ZNF385D: variants seen among roughly 807,000 people sequenced by gnomAD.
ZNF385D encodes the protein zinc finger protein 659.
ZNF385D carries 15 observed loss-of-function variants against 35.8 expected under a neutral mutation model. That is an observed-to-expected ratio of 0.42 (90% CI 0.28 to 0.64). The LOEUF (loss-of-function observed/expected upper bound fraction) is 0.64. ZNF385D is among the 30% of genes least tolerant of loss of function. The probability of loss-of-function intolerance (pLI) is 0.23; values close to 1 mark genes in which losing one functional copy is unlikely to be tolerated. For synonymous variants in ZNF385D, 212 were observed against 186.8 expected (o/e 1.13, Z -1.10); for missense variants, 474 against 494.6 (o/e 0.96, Z 0.39).
rs972301241 is a variant in ZNF385D, at chr3:22,033,667, AG to A, written c.325+135149del. On this transcript the variant is annotated intron_variant, in intron 3 of 5. Transcript: ENST00000494108. ...CGATGAACTATCACCAAAGAAATTA[AG>A]GTGATTATAACAAGAACAATGTCTA... 1.6e-4 allele frequency among the ~76,000 whole-genome samples: 24 copies of A among 152,102 alleles called. 1 individual carries two copies. Among genetic ancestry groups the A allele is most frequent in the Admixed American group, 1.3e-3 (20 of 15,268 alleles).
intron 3 of ZNF385D, among the ~76,000 whole-genome samples, chr3:22,029,098 G>A (rs1697748424): frequency 6.6e-6 from 1 of 152,112 alleles, no homozygotes; most frequent in South Asian, 2.1e-4. Flanking sequence ...TAGTTCCAGA[G>A]GGAGGAACGC....
intron 3 of ZNF385D, among the ~76,000 whole-genome samples, chr3:21,992,455 C>T (rs918754871): frequency 1.3e-5 from 2 of 152,136 alleles, no homozygotes; most frequent in African/African-American, 2.4e-5. Context: ...ATTATATTAT[C>T]ATCATCCATC....
chr3:21,716,452 T>C (rs1292090524), intron 1 of ZNF385D, among the ~76,000 whole-genome samples: 1 of 152,128 alleles, frequency 6.6e-6, no homozygotes, highest in Non-Finnish European at 1.5e-5. Context: ...TCCTCTCATG[T>C]CCCTCCACCC....
At chr3:21,938,587 G>A (rs897284195) in intron 3 of ZNF385D, among the ~76,000 whole-genome samples, 1 of 152,124 alleles carries the variant, frequency 6.6e-6, no homozygotes, top group African/African-American at 2.4e-5. Context: ...TACATTTTAA[G>A]CATGTCTACA....
At chr3:22,143,008 CAAT>C (rs943459492) in intron 3 of ZNF385D, among the ~76,000 whole-genome samples, 3 of 146,002 alleles carry the variant, frequency 2.1e-5, no homozygotes, top group African/African-American at 5.3e-5. Flanking sequence ...TCATGAATGA[CAAT>C]AATAATAAAA....
intron 1 of ZNF385D, among the ~76,000 whole-genome samples, chr3:21,742,737 C>T (rs191149398): frequency 1.3e-3 from 198 of 152,300 alleles, no homozygotes; most frequent in Middle Eastern, 3.4e-3. Flanking sequence ...TCTATAACTA[C>T]CAGTTTCTTG....
At chr3:22,053,303 A>G (rs1214478850) in intron 3 of ZNF385D, among the ~76,000 whole-genome samples, 3 of 63,376 alleles carry the variant, frequency 4.7e-5, no homozygotes, top group African/African-American at 1.8e-4. Context: ...AGACACAAAA[A>G]ACCCTTCAAA....
chr3:22,026,095 A>T (rs1697531237), intron 3 of ZNF385D, among the ~76,000 whole-genome samples: 1 of 152,196 alleles, frequency 6.6e-6, no homozygotes, highest in Non-Finnish European at 1.5e-5. Context: ...CTAGAGGTTG[A>T]CATTGATAGG....
chr3:22,355,838 T>A (rs1284652182), intron 2 of ZNF385D, among the ~76,000 whole-genome samples: 1 of 151,920 alleles, frequency 6.6e-6, no homozygotes, highest in African/African-American at 2.4e-5. Flanking sequence ...ATATCACAAA[T>A]TTATCAGTAG....
chr3:22,089,144 A>G (rs1339310857), intron 3 of ZNF385D, among the ~76,000 whole-genome samples: 1 of 152,214 alleles, frequency 6.6e-6, no homozygotes, highest in Non-Finnish European at 1.5e-5. Context: ...TATATTTACA[A>G]TGTTCAAAGA....
At chr3:22,338,623 A>C (rs985017505) in intron 2 of ZNF385D, among the ~76,000 whole-genome samples, 11 of 152,108 alleles carry the variant, frequency 7.2e-5, no homozygotes, top group Non-Finnish European at 1.5e-4. Context: ...CACAGTACAG[A>C]ATGTAACAAG....
chr3:22,128,202 T>C (rs1020100332), intron 3 of ZNF385D, among the ~76,000 whole-genome samples: 3 of 152,212 alleles, frequency 2.0e-5, no homozygotes, highest in African/African-American at 7.2e-5. Context: ...AAGTATATCA[T>C]GCCACTCCCT....
intron 3 of ZNF385D, among the ~76,000 whole-genome samples, chr3:21,905,965 G>A (rs531347022): frequency 2.0e-5 from 3 of 152,226 alleles, no homozygotes; most frequent in African/African-American, 7.2e-5. Flanking sequence ...AATTATGGAT[G>A]CTTAGGAGAA....
chr3:22,277,774 CTCTGA>C (rs946675343), intron 2 of ZNF385D, among the ~76,000 whole-genome samples: 1 of 152,060 alleles, frequency 6.6e-6, no homozygotes, highest in Non-Finnish European at 1.5e-5. Flanking sequence ...GGTTACGGCT[CTCTGA>C]AGATATGGCA....
intron 2 of ZNF385D, among the ~76,000 whole-genome samples, chr3:22,349,349 A>T (rs544099243): frequency 3.5e-4 from 54 of 152,260 alleles, no homozygotes; most frequent in African/African-American, 1.3e-3. Flanking sequence ...TAGTGTTCCT[A>T]GGGGACTTGC....
intron 2 of ZNF385D, among the ~76,000 whole-genome samples, chr3:21,625,297 A>G (rs1237133342): frequency 6.6e-6 from 1 of 152,012 alleles, no homozygotes; most frequent in East Asian, 1.9e-4. Flanking sequence ...TCTCGTTGAC[A>G]GTTAATATAT....
intron 3 of ZNF385D, among the ~76,000 whole-genome samples, chr3:21,832,533 C>T (rs746636249): frequency 1.3e-4 from 20 of 152,148 alleles, no homozygotes; most frequent in Non-Finnish European, 2.4e-4. Flanking sequence ...GGGAGTTGCT[C>T]TCCCTTTTCT....
chr3:21,949,548 TTCTTTC>T (rs1381830199), intron 3 of ZNF385D, among the ~76,000 whole-genome samples: 2 of 47,234 alleles, frequency 4.2e-5, no homozygotes, highest in African/African-American at 1.3e-4. Flanking sequence ...CTTCTTTTCT[TTCTTTC>T]TTTTTTTTTT....
intron 2 of ZNF385D, among the ~76,000 whole-genome samples, chr3:21,578,254 A>G (rs554896367): frequency 6.6e-6 from 1 of 152,246 alleles, no homozygotes; most frequent in African/African-American, 2.4e-5. Flanking sequence ...TAGTTTGCAA[A>G]TATTTTCCTT....
Sources: allele counts gnomAD v4.1 joint callset (sites outside exome capture counted in the v4.1 genomes callset), GRCh38; gene constraint gnomAD v4.1.1; transcripts MANE v1.5; gene names NCBI Gene and HGNC (gene_info 2026-07-23, HGNC 2026-07-21).